Variants in SENP8 observed in about 807,000 individuals in gnomAD.
SENP8 encodes sentrin-specific protease 8.
In SENP8, 10 loss-of-function variants were observed where a neutral mutation model predicts 14.4. The observed-to-expected ratio is 0.69, with a 90% CI of 0.43 to 1.18. The LOEUF is 1.18. Ranked by LOEUF, SENP8 falls within the 50% of genes most tolerant of loss-of-function variation. The pLI is 0.00. For missense variants in SENP8, 202 were observed against 249.4 expected (o/e 0.81, Z 1.28); for synonymous variants, 94 against 95.5 (o/e 0.98, Z 0.09).
At chr15:72,127,229 C>G (rs1408473225) in intron 1 of SENP8, among the ~76,000 whole-genome samples, 2 of 151,890 alleles carry the variant, frequency 1.3e-5, no homozygotes, top group Non-Finnish European at 2.9e-5. Flanking sequence ...AGAGAAGAGG[C>G]AGGGGGAGGA....
At chr15:72,116,205 T>G (rs1189388970), upstream of SENP8, among the ~76,000 whole-genome samples, 1 of 152,240 alleles carries the variant, frequency 6.6e-6, no homozygotes, top group Non-Finnish European at 1.5e-5. Context: ...TTTTACTACA[T>G]TACTCTTCCG....
chr15:72,127,479 G>A (rs1224399587), intron 1 of SENP8, among the ~76,000 whole-genome samples: 1 of 152,110 alleles, frequency 6.6e-6, no homozygotes, highest in Non-Finnish European at 1.5e-5. Context: ...TGTATTTGAG[G>A]AGTAAAAAGA....
intron 1 of SENP8, among the ~76,000 whole-genome samples, chr15:72,132,066 C>T (rs1320136165): frequency 6.6e-6 from 1 of 151,930 alleles, no homozygotes; most frequent in Non-Finnish European, 1.5e-5. Flanking sequence ...GAAAATGAGG[C>T]CCAGAAAGAG....
At chr15:72,137,711 G>A (rs188269556) in intron 1 of SENP8, among the ~76,000 whole-genome samples, 98 of 152,256 alleles carry the variant, frequency 6.4e-4, no homozygotes, top group Non-Finnish European at 5.3e-4. Context: ...GGTGGCTCAC[G>A]TCTGTAATCC....
chr15:72,135,340 G>C (rs1202506999), intron 1 of SENP8: 2 of 152,514 alleles, frequency 1.3e-5, no homozygotes, highest in Admixed American at 1.3e-4. Context: ...GGGATTACAG[G>C]TGTGAGCCAC....
At chr15:72,131,918 C>T (rs2081277040) in intron 1 of SENP8, among the ~76,000 whole-genome samples, 1 of 152,130 alleles carries the variant, frequency 6.6e-6, no homozygotes, top group African/African-American at 2.4e-5. Context: ...CCACCTCAAA[C>T]ATAGGGAACA....
chr15:72,134,675 A>T, intron 1 of SENP8: 1 of 212,768 alleles, frequency 4.7e-6, no homozygotes, highest in Non-Finnish European at 9.9e-6. Flanking sequence ...AGAGGTATCC[A>T]ATATATGTTC....
chr15:72,120,413 G>A (rs893457254), intron 1 of SENP8, among the ~76,000 whole-genome samples: 2 of 152,184 alleles, frequency 1.3e-5, no homozygotes, highest in Non-Finnish European at 1.5e-5. Context: ...AGCATAGTAT[G>A]GAGAGTAGAG....
intron 1 of SENP8, among the ~76,000 whole-genome samples, chr15:72,124,776 T>TA (rs1364263280): frequency 3.9e-5 from 6 of 152,272 alleles, no homozygotes; most frequent in South Asian, 2.1e-4. Context: ...TGTTCATTAT[T>TA]AAAAAAGGGG....
At chr15:72,138,534 G>C (rs1401072763) in intron 1 of SENP8, among the ~76,000 whole-genome samples, 1 of 151,024 alleles carries the variant, frequency 6.6e-6, no homozygotes, top group African/African-American at 2.4e-5. Flanking sequence ...ATTTTTAGTA[G>C]AGATGGGGTT....
intron 1 of SENP8, chr15:72,134,961 G>C: frequency 3.3e-6 from 1 of 304,584 alleles, no homozygotes; most frequent in Non-Finnish European, 6.4e-6. Flanking sequence ...CTGAAATCGT[G>C]AAGGAAAATG....
chr15:72,133,607 T>C (rs1337834584), intron 1 of SENP8, among the ~76,000 whole-genome samples: 1 of 152,214 alleles, frequency 6.6e-6, no homozygotes, highest in African/African-American at 2.4e-5. Context: ...TTCCCATACA[T>C]TCTGTTTGTG....
intron 1 of SENP8, among the ~76,000 whole-genome samples, chr15:72,122,502 T>A (rs1596642121): frequency 6.6e-6 from 1 of 152,380 alleles, no homozygotes; most frequent in African/African-American, 2.4e-5. Context: ...ACTTTTTAAA[T>A]GTATTCTAAA....
intron 1 of SENP8, among the ~76,000 whole-genome samples, chr15:72,128,450 C>A (rs2081241322): frequency 6.6e-6 from 1 of 152,058 alleles, no homozygotes; most frequent in Non-Finnish European, 1.5e-5. Flanking sequence ...AGACTGTTCC[C>A]CTGAAGTATC....
At chr15:72,121,852 G>A (rs2081171128) in intron 1 of SENP8, among the ~76,000 whole-genome samples, 2 of 152,170 alleles carry the variant, frequency 1.3e-5, no homozygotes, top group South Asian at 2.1e-4. Flanking sequence ...CCCCAGTGTG[G>A]GAGTCAGTTA....
At chr15:72,134,980 A>G in intron 1 of SENP8, 1 of 312,038 alleles carries the variant, frequency 3.2e-6, no homozygotes, top group Non-Finnish European at 6.3e-6. Context: ...TGATCAGAAA[A>G]AGAAGGAAGC....
At chr15:72,117,739 A>G, upstream of SENP8, 1 of 397,608 alleles carries the variant, frequency 2.5e-6, no homozygotes, top group Non-Finnish European at 4.4e-6. Flanking sequence ...GCTGCCTTCC[A>G]CCCTCCGCCC....
intron 1 of SENP8, among the ~76,000 whole-genome samples, chr15:72,121,363 G>A (rs2081165856): frequency 6.6e-6 from 1 of 152,114 alleles, no homozygotes; most frequent in African/African-American, 2.4e-5. Context: ...CTAGAATAAT[G>A]TGCAGGTTAG....
chr15:72,118,137 G>C (rs2081075488), upstream of SENP8: 1 of 378,338 alleles, frequency 2.6e-6, no homozygotes. Context: ...CTGCAGGCGA[G>C]CAGGCGCGCG....
Sources: allele counts gnomAD v4.1 joint callset (sites outside exome capture counted in the v4.1 genomes callset), GRCh38; gene constraint gnomAD v4.1.1; transcripts MANE v1.5; gene names NCBI Gene and HGNC (gene_info 2026-07-23, HGNC 2026-07-21).